Variants in ZFHX4 observed in about 807,000 individuals in gnomAD.
The protein encoded by ZFHX4 is zinc finger homeobox 4.
A neutral mutation model predicts 267.6 loss-of-function variants in ZFHX4; 56 were observed. That is an observed-to-expected ratio of 0.21 (90% confidence interval 0.17 to 0.26). ZFHX4 has a LOEUF of 0.26. ZFHX4 is among the 10% of genes least tolerant of loss of function. The pLI, the probability that ZFHX4 is intolerant of heterozygous loss-of-function variation, is 1.00. For synonymous variants in ZFHX4, 1,778 were observed against 1,665.6 expected (o/e 1.07, Z -1.64); for missense variants, 4,332 against 4,420.0 (o/e 0.98, Z 0.56).
intron 3 of ZFHX4, among the ~76,000 whole-genome samples, chr8:76,747,231 A>G (rs958267227): frequency 2.6e-5 from 4 of 151,256 alleles, no homozygotes; most frequent in Non-Finnish European, 5.9e-5. Context: ...TAAACATAAC[A>G]AAAGAAAATA....
chr8:76,750,460 CAT>C (rs1809584224), intron 3 of ZFHX4, among the ~76,000 whole-genome samples: 2 of 152,010 alleles, frequency 1.3e-5, no homozygotes, highest in African/African-American at 4.8e-5. Context: ...TAAAATAAGT[CAT>C]ATATGATCTT....
chr8:76,788,696 A>G (rs10088573), intron 4 of ZFHX4, among the ~76,000 whole-genome samples: 2,528 of 152,306 alleles, frequency 0.017, 27 homozygotes, highest in Middle Eastern at 0.034. Flanking sequence ...AATGCTGTTC[A>G]CAGCCACTTA....
rs757130756 is a variant in ZFHX4, at chr8:76,706,151, G to A, written c.2063G>A (p.Arg688Gln). 6.2e-7 allele frequency: 1 copy of A among 1,613,954 alleles called. No individual in the cohort carries two copies. The highest frequency in any genetic ancestry group is 8.5e-7 in the Non-Finnish European group (1 of 1,179,950). ...GGACAGCCTCACCCCAGGCTTGCCC[G>A]GGGTGAGAGTTACACGTGTGGCTAT... ...KTGQPHPRLARGESYTCGYKP... is the reference protein window; with the variant it reads ...KTGQPHPRLAQGESYTCGYKP... Residue 688 changes from arginine (R) to glutamine (Q), a missense_variant, in exon 2 of 11, where the codon CGG (arginine) becomes CAG (glutamine). By Grantham distance (43) the Arg-to-Gln change is conservative. Transcript: ENST00000651372.
chr8:76,834,243 T>A (rs989497343), intron 5 of ZFHX4: 9 of 349,132 alleles, frequency 2.6e-5, no homozygotes, highest in African/African-American at 1.7e-4. Context: ...CTCCCTTTGA[T>A]AAATGCCAAG....
chr8:76,854,535 G>A lies in ZFHX4; in HGVS notation c.7614G>A (p.Met2538Ile), dbSNP rs2131957095. 1 of 1,613,838 alleles carries A rather than the reference G, an allele frequency of 6.2e-7. No individual in the cohort carries two copies. The highest frequency in any genetic ancestry group is 8.5e-7 in the Non-Finnish European group (1 of 1,179,866). Residue 2538 changes from methionine to isoleucine, a missense_variant, in exon 10 of 11, where the codon ATG becomes ATA. Around this residue, in one of 7 missense-constraint regions of ZFHX4, gnomAD observed 1,648 missense variants for 1,625.0 expected, o/e 1.01. Transcript: ENST00000651372. ...FLERPMDMPYMIFDPNNPLMT... is the reference protein window; with the variant it reads ...FLERPMDMPYIIFDPNNPLMT... ...AAAGGCCCATGGACATGCCCTACAT[G>A]ATATTTGACCCCAACAATCCGCTGA...
chr8:76,831,457 G>A (rs1361471691), intron 4 of ZFHX4, among the ~76,000 whole-genome samples: 1 of 152,134 alleles, frequency 6.6e-6, no homozygotes, highest in Non-Finnish European at 1.5e-5. Context: ...AGTTGACAGA[G>A]CTCTGAATTT....
chr8:76,848,615 A>T (rs1812423662), intron 6 of ZFHX4, among the ~76,000 whole-genome samples: 1 of 152,218 alleles, frequency 6.6e-6, no homozygotes, highest in Non-Finnish European at 1.5e-5. Context: ...GAATTTTAGA[A>T]AAGAGATAGG....
chr8:76,837,789 G>T (rs2131903164), intron 5 of ZFHX4, among the ~76,000 whole-genome samples: 1 of 152,258 alleles, frequency 6.6e-6, no homozygotes, highest in African/African-American at 2.4e-5. Context: ...AAATTAAATT[G>T]TGGTGAATGG....
intron 3 of ZFHX4, among the ~76,000 whole-genome samples, chr8:76,760,953 GA>G (rs796877540): frequency 1.0e-3 from 141 of 138,148 alleles, no homozygotes; most frequent in African/African-American, 3.2e-3. Flanking sequence ...AAAAAAAAGA[GA>G]AAAAAAAGTT....
Position 76,854,075 on chromosome 8 carries a change from C to G in ZFHX4, c.7154C>G (p.Ser2385Cys). Residue 2385 changes from serine (S) to cysteine (C), a missense_variant, in exon 10 of 11, where the codon TCT becomes TGT. By Grantham distance (112) the Ser-to-Cys change is moderately radical. Transcript: ENST00000651372. ...NAAAPAASSG[S>C]GTSTPLIPSP... is the part of the protein sequence containing the mutation. ...GCTGCCCCTGCAGCAAGTTCTGGCT[C>G]TGGGACCAGCACCCCCCTGATTCCA... is the stretch of plus-strand genomic sequence containing the variant. 1 of 1,613,926 alleles carries G rather than the reference C, an allele frequency of 6.2e-7. No homozygotes were observed. Among genetic ancestry groups the G allele is most frequent in the Non-Finnish European group, 8.5e-7 (1 of 1,179,864 alleles).
At chr8:76,844,889 G>A (rs1053591177) in intron 6 of ZFHX4, among the ~76,000 whole-genome samples, 15 of 151,986 alleles carry the variant, frequency 9.9e-5, no homozygotes, top group African/African-American at 3.6e-4. Context: ...CTTCTGAATT[G>A]AATGTTTTTA....
chr8:76,775,354 G>A (rs1341342209), intron 3 of ZFHX4, among the ~76,000 whole-genome samples: 1 of 152,164 alleles, frequency 6.6e-6, no homozygotes, highest in Non-Finnish European at 1.5e-5. Flanking sequence ...TGAGAGGATA[G>A]AAAATGTACG....
chr8:76,701,162 A>C (rs1808092968), intron 1 of ZFHX4, among the ~76,000 whole-genome samples: 1 of 152,142 alleles, frequency 6.6e-6, no homozygotes, highest in South Asian at 2.1e-4. Flanking sequence ...TTCCATCAGA[A>C]TATACTGAAA....
intron 4 of ZFHX4, among the ~76,000 whole-genome samples, chr8:76,792,929 T>C (rs1430202896): frequency 1.3e-5 from 2 of 152,170 alleles, no homozygotes; most frequent in Non-Finnish European, 2.9e-5. Context: ...TTGAGCACTG[T>C]TTAGGTGTCA....
At chr8:76,813,796 G>A (rs1205402312) in intron 4 of ZFHX4, among the ~76,000 whole-genome samples, 1 of 152,204 alleles carries the variant, frequency 6.6e-6, no homozygotes, top group Admixed American at 6.5e-5. Flanking sequence ...TTAAGTGTTT[G>A]GAGAGGCCCA....
At chr8:76,752,304 T>TA (rs966136710) in intron 3 of ZFHX4, among the ~76,000 whole-genome samples, 8 of 151,036 alleles carry the variant, frequency 5.3e-5, no homozygotes, top group African/African-American at 1.2e-4. Context: ...GTATGTTTTT[T>TA]AAAAAAAATT....
At chr8:76,743,980 T>A (rs370512867) in intron 3 of ZFHX4, among the ~76,000 whole-genome samples, 1 of 152,194 alleles carries the variant, frequency 6.6e-6, no homozygotes. Flanking sequence ...AACCACTTCA[T>A]TGTTTAAGGA....
intron 3 of ZFHX4, among the ~76,000 whole-genome samples, chr8:76,710,992 ATATT>A (rs1585871234): frequency 6.6e-6 from 1 of 152,130 alleles, no homozygotes; most frequent in Non-Finnish European, 1.5e-5. Context: ...CTAGTAAAAA[ATATT>A]TATTTATTTA....
intron 4 of ZFHX4, among the ~76,000 whole-genome samples, chr8:76,804,168 T>TTTACACAAA (rs1811189701): frequency 3.3e-5 from 5 of 152,122 alleles, no homozygotes; most frequent in Admixed American, 3.3e-4. Flanking sequence ...TCATGATTGA[T>TTTACACAAA]TTAACATCAG....
Sources: gnomAD v4.1 joint callset for allele counts (sites outside exome capture counted in the v4.1 genomes callset) on GRCh38, gnomAD v4.1.1 for gene constraint, gnomAD v4.1.1 regional missense constraint, MANE v1.5 for transcripts, NCBI Gene and HGNC (gene_info 2026-07-23, HGNC 2026-07-21) for gene names.